The following LRP2 variants were observed in gnomAD, a reference collection of about 807,000 sequenced individuals.
LRP2 encodes the protein low-density lipoprotein receptor-related protein 2.
A neutral mutation model predicts 531.0 loss-of-function variants in LRP2; 172 were observed. The ratio of observed to expected loss-of-function variants is 0.32; its 90% confidence interval spans 0.29 to 0.37. LRP2 has a LOEUF of 0.37. Among genes scored for constraint, LRP2 ranks in the 10% least tolerant of loss-of-function variants. The pLI is 1.00. For missense variants in LRP2, 5,167 were observed against 5,868.3 expected (o/e 0.88, Z 3.90); for synonymous variants, 1,992 against 2,027.6 (o/e 0.98, Z 0.47).
At position 169,277,631 on chromosome 2, in the gene LRP2, A is replaced by G; in HGVS notation, c.1772+114T>C. ...CAGTACAAAGGTCATTAAAGCTATC[A>G]TGTCCACCAACAAAGCAATATTTTA... On this transcript the variant is annotated intron_variant, in intron 13 of 78. Transcript: ENST00000649046. 8.5e-6 allele frequency: 8 copies of G among 944,344 alleles called. No homozygotes were observed. The South Asian group carries it at 9.9e-5, about 12-fold the overall frequency. 58.5% of individuals were successfully genotyped at this position (944,344 alleles called of 1,614,324 possible).
chr2:169,191,819 A>C lies in LRP2; in HGVS notation c.9032+13T>G. 1 of 1,613,158 alleles carries C rather than the reference A, an allele frequency of 6.2e-7. No homozygotes were observed. The highest frequency in any genetic ancestry group is 8.5e-7 in the Non-Finnish European group (1 of 1,179,214). Reference sequence around the variant, plus strand: ...TTGAGGCATGCTGGGTAACTTCTGAATCCTCAATTCACCTGAATATCTTTG... The same window carrying C: ...TTGAGGCATGCTGGGTAACTTCTGACTCCTCAATTCACCTGAATATCTTTG... On this transcript the variant is annotated intron_variant, in intron 48 of 78. Coordinates refer to ENST00000649046, the MANE Select transcript of LRP2 (RefSeq NM_004525.3).
At position 169,239,734 on chromosome 2, in the gene LRP2, C is replaced by G. The variant is rs773696875; in HGVS notation, c.4087G>C (p.Glu1363Gln). The change falls in exon 26 of 79, where the codon GAG (glutamate) becomes CAG (glutamine). Residue 1363 changes from glutamate to glutamine, a missense_variant. Glu to Gln is a conservative substitution (Grantham distance 29). Around this residue, in one of 6 missense-constraint regions of LRP2, gnomAD observed 2,811 missense variants for 3,058.0 expected, o/e 0.92. Transcript: ENST00000649046. ...GCCCCAAAGGGCTCTTGAACACACT[C>G]GTGAGTACAACCACCATTGAAATCT... ...CSDFNGGCTH[E>Q]CVQEPFGAKC... 1 of 1,613,970 alleles carries G rather than the reference C, an allele frequency of 6.2e-7. No individual in the cohort carries two copies. The highest frequency in any genetic ancestry group is 1.6e-4 in the Middle Eastern group (1 of 6,062).
In LRP2 at chr2:169,191,883, G is replaced by A. The variant is rs779052450; in HGVS notation, c.8981C>T (p.Ser2994Phe). 1.4e-5 allele frequency: 22 copies of A among 1,614,078 alleles called. No individual in the cohort carries two copies. The highest frequency in any genetic ancestry group is 1.9e-5 in the Non-Finnish European group (22 of 1,179,998). ...GTAACCACAGGTGAATTCATTTTCA[G>A]AGCAAGTTCTCCTGGTGCAATTCTG... ...ENQNCTRRTC[S>F]ENEFTCGYGL... Residue 2994 changes from serine to phenylalanine, a missense_variant, in exon 48 of 79, where the codon TCT becomes TTT. Physicochemically the swap from Ser to Phe is radical, Grantham distance 155 (BLOSUM62 -2). Around this residue, in one of 6 missense-constraint regions of LRP2, gnomAD observed 1,129 missense variants for 1,362.7 expected, o/e 0.83. Coordinates refer to ENST00000649046, the MANE Select transcript of LRP2 (RefSeq NM_004525.3).
At position 169,233,439 on chromosome 2, in the gene LRP2, A is replaced by C; in HGVS notation, c.5070T>G (p.Val1690=). ...TTGGTTGTTTCGAAGGATGAACCGC[A>C]ACAATCCCAAGGGGCCATTGAATAT... ...MYNIQWPLGI[V]AVHPSKQPNS... is the part of the protein sequence containing the mutation. Residue 1690 remains valine, a synonymous_variant, in exon 30 of 79, where the codon GTT becomes GTG. Coordinates refer to ENST00000649046, the MANE Select transcript of LRP2 (RefSeq NM_004525.3). 6.2e-7 allele frequency: 1 copy of C among 1,614,220 alleles called. No homozygotes were observed. The highest frequency in any genetic ancestry group is 8.5e-7 in the Non-Finnish European group (1 of 1,180,046).
intron 16 of LRP2, among the ~76,000 whole-genome samples, chr2:169,261,198 G>T (rs1434129643): frequency 6.6e-6 from 1 of 151,978 alleles, no homozygotes; most frequent in African/African-American, 2.4e-5. Context: ...ATATTTTTTA[G>T]GATGGGAGAA....
rs138237505 is a variant in LRP2 at position 169,217,709 on chromosome 2, C to T, written c.5649-1279G>A. ...TAATCTAAGCTGAGGATTCTCATCCCTAGCAGACTTTATATCATGTTCCGC... is the reference window on the plus strand; with the variant it reads ...TAATCTAAGCTGAGGATTCTCATCCTTAGCAGACTTTATATCATGTTCCGC... On this transcript the variant is annotated intron_variant, in intron 34 of 78. Coordinates refer to ENST00000649046, the MANE Select transcript of LRP2 (RefSeq NM_004525.3). 1.5e-3 allele frequency among the ~76,000 whole-genome samples: 226 copies of T among 152,248 alleles called. 1 individual carries two copies. Among genetic ancestry groups the T allele is most frequent in the Admixed American group, 0.012 (191 of 15,282 alleles).
chr2:169,203,126 T>C (rs1484510568), intron 42 of LRP2, among the ~76,000 whole-genome samples, 167 bp from the exon 43 acceptor site: 1 of 151,870 alleles, frequency 6.6e-6, no homozygotes, highest in East Asian at 1.9e-4. Context: ...CACTTTTCCA[T>C]CAAGAAGAGC....
At chr2:169,264,074 C>G (rs1454724335) in intron 16 of LRP2, among the ~76,000 whole-genome samples, 1 of 151,996 alleles carries the variant, frequency 6.6e-6, no homozygotes. Context: ...GGAAGGGGAA[C>G]ATCACACTCT....
At chr2:169,139,403 C>A in intron 73 of LRP2, 32 bp from the exon 74 acceptor site, 1 of 1,614,166 alleles carries the variant, frequency 6.2e-7, no homozygotes, top group Non-Finnish European at 8.5e-7. Flanking sequence ...AGCACATCAA[C>A]ACATGGGAGC....
Position 169,244,896 on chromosome 2 carries a change from T to A in LRP2, c.3227A>T (p.His1076Leu), listed in dbSNP as rs1364949121. ...TCSSSAFTCG[H>L]GECIPAHWRC... ...CCAGTGTGCAGGAATGCACTCCCCA[T>A]GGCCACAGGTGAACGCCGAAGATGA... Residue 1076 changes from histidine (H) to leucine (L), a missense_variant, in exon 22 of 79, where the codon CAT becomes CTT. By Grantham distance (99) the His-to-Leu change is moderately conservative. Coordinates refer to ENST00000649046, the MANE Select transcript of LRP2 (RefSeq NM_004525.3). The A allele has an allele frequency of 6.2e-7, 1 of 1,614,118 alleles. No homozygotes were observed. Among genetic ancestry groups the A allele is most frequent in the East Asian group, 2.2e-5 (1 of 44,896 alleles).
rs573500475 is a variant in LRP2, at chr2:169,174,422, T to C, written c.10769-258A>G. Among the ~76,000 whole-genome samples the C allele has an allele frequency of 1.1e-4, 17 of 152,372 alleles. No homozygotes were observed. The South Asian group carries it at 3.5e-3, about 32-fold the overall frequency. The stretch of plus-strand genomic sequence containing the variant: ...ACACCCTGACCTGTTAAGCATACCT[T>C]CCTCTGTCCCTATTCTCCTACTGGA... On this transcript the variant is annotated intron_variant, in intron 55 of 78. Coordinates refer to ENST00000649046, the MANE Select transcript of LRP2 (RefSeq NM_004525.3).
At chr2:169,221,090 C>T (rs947331397) in intron 33 of LRP2, among the ~76,000 whole-genome samples, 4 of 152,112 alleles carry the variant, frequency 2.6e-5, no homozygotes, top group Non-Finnish European at 4.4e-5. Flanking sequence ...CTCTGCCCTG[C>T]CAGGTCCTGA....
rs112529099 is a variant in LRP2, at chr2:169,181,490, T to C, written c.10127A>G (p.Asn3376Ser). ...GGCATCTGCCCAGTAGAGTAGATCATTGGTGTAATCAATGGTGATGCCATT... is the reference window on the plus strand; with the variant it reads ...GGCATCTGCCCAGTAGAGTAGATCACTGGTGTAATCAATGGTGATGCCATT... Reference protein sequence around the residue: ...WPNGITIDYTNDLLYWADAHL... With the variant: ...WPNGITIDYTSDLLYWADAHL... Residue 3376 changes from asparagine (N) to serine (S), a missense_variant, in exon 52 of 79, where the codon AAT becomes AGT. By Grantham distance (46) the Asn-to-Ser change is conservative. Transcript: ENST00000649046. The C allele has an allele frequency of 1.2e-5, 19 of 1,614,198 alleles. 1 individual carries two copies. The highest frequency in any genetic ancestry group is 8.0e-5 in the African/African-American group (6 of 75,048).
At chr2:169,285,138 A>G (rs1237827176) in intron 9 of LRP2, among the ~76,000 whole-genome samples, 1 of 143,740 alleles carries the variant, frequency 7.0e-6, no homozygotes, top group Non-Finnish European at 1.5e-5. Flanking sequence ...GCAAGGGTTT[A>G]TGTGTACTAA....
At chr2:169,327,966 C>T (rs1352667980) in intron 1 of LRP2, among the ~76,000 whole-genome samples, 1 of 97,890 alleles carries the variant, frequency 1.0e-5, no homozygotes, top group African/African-American at 3.8e-5. Context: ...CCAGCCGCCC[C>T]GTCCGGGAGG....
intron 3 of LRP2, among the ~76,000 whole-genome samples, chr2:169,315,573 C>T (rs1684736215): frequency 2.0e-5 from 3 of 152,152 alleles, no homozygotes; most frequent in Admixed American, 2.0e-4. Context: ...CTGCTGTGCC[C>T]AAGTGGCCAC....
Position 169,214,759 on chromosome 2 carries a change from GT to G in LRP2, c.5827-890del, listed in dbSNP as rs1309726512. On this transcript the variant is annotated intron_variant, in intron 35 of 78. Coordinates refer to ENST00000649046, the MANE Select transcript of LRP2 (RefSeq NM_004525.3). ...TCAGGGCAAGGCTCCAAGCTGAGCC[GT>G]GATCCAACTTGCTGACTGTGGCTTT... 3.0e-4 allele frequency among the ~76,000 whole-genome samples: 46 copies of G among 152,302 alleles called. No homozygotes were observed. In the Middle Eastern group the frequency reaches 0.017, roughly 56 times the overall value.
At position 169,139,004 on chromosome 2, in the gene LRP2, C is replaced by T. The variant is rs1685621630; in HGVS notation, c.13388+247G>A. On this transcript the variant is annotated intron_variant, in intron 74 of 78. Transcript: ENST00000649046. Reference sequence around the variant, plus strand: ...CCTTTTCACTCCTCTCTGACCTGAACACCTACCAGTAGGCACAACCATTTG... The same window carrying T: ...CCTTTTCACTCCTCTCTGACCTGAATACCTACCAGTAGGCACAACCATTTG... Among the ~76,000 whole-genome samples the T allele has an allele frequency of 1.3e-5, 2 of 152,238 alleles. 1 individual carries two copies. Among genetic ancestry groups the T allele is most frequent in the Admixed American group, 1.3e-4 (2 of 15,288 alleles).
At chr2:169,233,019 A>G (rs1689467498) in intron 30 of LRP2, among the ~76,000 whole-genome samples, 1 of 152,198 alleles carries the variant, frequency 6.6e-6, no homozygotes, top group Non-Finnish European at 1.5e-5. Flanking sequence ...GAGCACCTAG[A>G]AGGCAGTGGT....
Sources: allele counts gnomAD v4.1 joint callset (sites outside exome capture counted in the v4.1 genomes callset), GRCh38; gene constraint gnomAD v4.1.1; regional missense constraint gnomAD v4.1.1; transcripts MANE v1.5; gene names NCBI Gene and HGNC (gene_info 2026-07-23, HGNC 2026-07-21).